KDM2B: variants seen among roughly 807,000 people sequenced by gnomAD.
The protein encoded by KDM2B is lysine demethylase 2B.
KDM2B carries 26 observed loss-of-function variants against 150.0 expected under a neutral mutation model. The ratio of observed to expected loss-of-function variants is 0.17; its 90% CI spans 0.13 to 0.24. KDM2B has a LOEUF of 0.24. Among genes scored for constraint, KDM2B ranks in the 10% least tolerant of loss-of-function variants. The probability of loss-of-function intolerance (pLI) is 1.00; values close to 1 mark genes in which losing one functional copy is unlikely to be tolerated. For synonymous variants in KDM2B, 734 were observed against 729.5 expected, an observed-to-expected ratio of 1.01 and a Z score of -0.10; for missense variants, 1,265 against 1,816.9, an observed-to-expected ratio of 0.70 and a Z score of 5.52.
rs191593495 is a variant in KDM2B, at chr12:121,494,497, C to T, written c.1734+82G>A. The T allele has an allele frequency of 1.5e-3, 1,565 of 1,041,296 alleles. 26 individuals are homozygous for T. The South Asian group carries it at 0.018, about 12-fold the overall frequency. 64.5% of individuals were successfully genotyped at this position (1,041,296 alleles called of 1,614,324 possible). A position where few individuals can be genotyped will look rare whatever the true frequency, so the allele number is the denominator to read the frequency against. On this transcript the variant is annotated intron_variant, in intron 12 of 22. Transcript: ENST00000377071. ...CATCTCAGGAGGCCCCATAGCTACC[C>T]AAAAAGTCGCGGCTGTTCACCCTAC...
Position 121,509,766 on chromosome 12 carries a change from G to T in KDM2B, c.1448C>A (p.Ser483Tyr). The T allele has an allele frequency of 6.2e-7, 1 of 1,614,146 alleles. No homozygotes were observed. Among genetic ancestry groups the T allele is most frequent in the Non-Finnish European group, 8.5e-7 (1 of 1,180,036 alleles). Residue 483 changes from serine (S) to tyrosine (Y), a missense_variant, in exon 11 of 23, where the codon TCC (serine) becomes TAC (tyrosine). Physicochemically the swap from Ser to Tyr is moderately radical, Grantham distance 144. Around this residue, in one of 11 missense-constraint regions of KDM2B, gnomAD observed 154 missense variants for 162.5 expected, o/e 0.95. Coordinates refer to ENST00000377071, the MANE Select transcript of KDM2B (RefSeq NM_032590.5). ...GGGGTAGTCTACGGCCAATGTGGTG[G>T]ACTTCACACTTTCCTCCGACTCATT... ...LSNESEESVK[S>Y]TTLAVDYPKT...
chr12:121,527,190 T>C (rs2141346218), intron 8 of KDM2B, among the ~76,000 whole-genome samples: 1 of 148,870 alleles, frequency 6.7e-6, no homozygotes, highest in East Asian at 2.1e-4. Flanking sequence ...TGGTACTACA[T>C]AGGCACCCGC....
In KDM2B at chr12:121,520,245, G is replaced by A. The variant is rs782163593; in HGVS notation, c.1047+740C>T. On this transcript the variant is annotated intron_variant, in intron 9 of 22. Coordinates refer to ENST00000377071, the MANE Select transcript of KDM2B (RefSeq NM_032590.5). The surrounding 1 kb of genome is among the most constrained non-coding windows in gnomAD (Gnocchi z 4.5). ...ACCTGTCTTATGTGCCTAGGGACAC[G>A]TGATCAAGTCCTAGCACGAGAAAGG... is the stretch of plus-strand genomic sequence containing the variant. Among the ~76,000 whole-genome samples, 16 of 152,118 alleles carry A rather than the reference G, an allele frequency of 1.1e-4. No homozygotes were observed. Among genetic ancestry groups the A allele is most frequent in the Non-Finnish European group, 1.6e-4 (11 of 68,028 alleles).
intron 22 of KDM2B, among the ~76,000 whole-genome samples, chr12:121,438,455 TA>T (rs1555287321): frequency 6.6e-6 from 1 of 152,126 alleles, no homozygotes; most frequent in Admixed American, 6.6e-5. Context: ...TGAAGAGATG[TA>T]ATAAAATGCC....
At chr12:121,445,553 G>A (rs1019499705) in intron 13 of KDM2B, 135 bp from the exon 14 acceptor site, 10 of 763,770 alleles carry the variant, frequency 1.3e-5, no homozygotes, top group Middle Eastern at 3.7e-4. Flanking sequence ...AGGCACATTC[G>A]CTCACTCATT....
chr12:121,446,473 G>C (rs1333290121), intron 13 of KDM2B, among the ~76,000 whole-genome samples: 2 of 152,206 alleles, frequency 1.3e-5, no homozygotes, highest in African/African-American at 4.8e-5. Flanking sequence ...CCTTACCCTA[G>C]AGTACACATC....
At chr12:121,484,556 G>A (rs747980422) in intron 12 of KDM2B, among the ~76,000 whole-genome samples, 1 of 152,140 alleles carries the variant, frequency 6.6e-6, no homozygotes, top group African/African-American at 2.4e-5. Context: ...GGTGGCTCAC[G>A]CCTGTAGTCC....
At chr12:121,579,015 C>T (rs1284655471) in intron 1 of KDM2B, 69 bp from the exon 2 acceptor site, 2 of 1,531,936 alleles carry the variant, frequency 1.3e-6, no homozygotes, top group Non-Finnish European at 1.8e-6. Context: ...TCAACCTGGG[C>T]CCAGCACTAA....
intron 6 of KDM2B, among the ~76,000 whole-genome samples, chr12:121,547,056 G>C (rs1336698893): frequency 6.6e-6 from 1 of 152,090 alleles, no homozygotes; most frequent in Non-Finnish European, 1.5e-5. Flanking sequence ...GTCCCCTGAT[G>C]ACACCAGCCA....
intron 13 of KDM2B, among the ~76,000 whole-genome samples, chr12:121,451,959 G>A (rs1451373639): frequency 6.6e-6 from 1 of 151,766 alleles, no homozygotes; most frequent in Non-Finnish European, 1.5e-5. Flanking sequence ...AGTATTAATC[G>A]GCCATAAAAA....
intron 9 of KDM2B, chr12:121,516,985 G>C: frequency 1.7e-6 from 1 of 605,272 alleles, no homozygotes; most frequent in Non-Finnish European, 2.9e-6. Flanking sequence ...AGGGAATGGG[G>C]CATGTCGGCA....
intron 9 of KDM2B, among the ~76,000 whole-genome samples, chr12:121,517,499 C>T (rs1886317930): frequency 6.7e-6 from 1 of 150,238 alleles, no homozygotes; most frequent in African/African-American, 2.4e-5. Context: ...GATGGAGTCT[C>T]GCTCTGTCGC....
At chr12:121,443,349 G>C (rs1009738537) in intron 17 of KDM2B, 2 of 576,386 alleles carry the variant, frequency 3.5e-6, no homozygotes, top group Non-Finnish European at 6.2e-6. Flanking sequence ...AGCCCTGTGG[G>C]AATCCCCGGC....
chr12:121,443,225 A>G (rs1329683979), intron 17 of KDM2B, 195 bp from the exon 18 acceptor site: 1 of 620,430 alleles, frequency 1.6e-6, no homozygotes, highest in African/African-American at 1.8e-5. Context: ...AGAAGCTGGA[A>G]GTAGGAGTAC....
At chr12:121,544,114 CAAAAAAAAA>C (rs57873693) in intron 6 of KDM2B, among the ~76,000 whole-genome samples, 1 of 42,928 alleles carries the variant, frequency 2.3e-5, no homozygotes, top group Non-Finnish European at 4.8e-5. Flanking sequence ...GACCCTGCCT[CAAAAAAAAA>C]AAAAAAAAAA....
Position 121,520,860 on chromosome 12 carries a change from T to C in KDM2B, c.1047+125A>G. On this transcript the variant is annotated intron_variant, in intron 9 of 22. Coordinates refer to ENST00000377071, the MANE Select transcript of KDM2B (RefSeq NM_032590.5). The surrounding 1 kb of genome is among the most constrained non-coding windows in gnomAD (Gnocchi z 4.5). ...CACAGAACCAGGACTGAAGCCAGCTTGAGAGAGGAATCGGGAGGGAGAGGG... is the reference window on the plus strand; with the variant it reads ...CACAGAACCAGGACTGAAGCCAGCTCGAGAGAGGAATCGGGAGGGAGAGGG... 2.1e-6 allele frequency: 1 copy of C among 481,496 alleles called. No individual in the cohort carries two copies. The highest frequency in any genetic ancestry group is 3.8e-6 in the Non-Finnish European group (1 of 261,386). The allele number at this position is 481,496 out of a possible 1,614,324, so 29.8% of individuals were successfully genotyped here. A position where few individuals can be genotyped will look rare whatever the true frequency, so the allele number is the denominator to read the frequency against.
At chr12:121,423,785 G>A in the KDM2B span, 4 of 524,534 alleles carry the variant, frequency 7.6e-6, no homozygotes, top group South Asian at 4.9e-5. The surrounding 1 kb of genome is among the most constrained non-coding windows in gnomAD (Gnocchi z 4.3). Context: ...TGAGCTTCCC[G>A]GGCTCAGCTG....
chr12:121,441,149 C>T lies in KDM2B; in HGVS notation c.3369G>A (p.Arg1123=), dbSNP rs374979569. 6.2e-7 allele frequency: 1 copy of T among 1,614,072 alleles called. No homozygotes were observed. Among genetic ancestry groups the T allele is most frequent in the African/African-American group, 1.3e-5 (1 of 74,928 alleles). Residue 1123 remains arginine (R), a synonymous_variant, in exon 20 of 23, where the codon CGG becomes CGA. Coordinates refer to ENST00000377071, the MANE Select transcript of KDM2B (RefSeq NM_032590.5). ...ITPLMLSGII[R]RQPVSLDLSW... Reference sequence around the variant, plus strand: ...TGAGGTCGAGGGAGACGGGCTGTCGCCGGATGATGCCACTCAGCATCAGGG... The same window carrying T: ...TGAGGTCGAGGGAGACGGGCTGTCGTCGGATGATGCCACTCAGCATCAGGG...
At chr12:121,423,518 G>GT in the KDM2B span, 1 of 1,614,248 alleles carries the variant, frequency 6.2e-7, no homozygotes, top group Non-Finnish European at 8.5e-7. This position sits in a 1 kb window ranked among gnomAD's most constrained non-coding sequence, Gnocchi z 4.3. Flanking sequence ...AAGCGCATGA[G>GT]TGAGTGTCCC....
Sources: gnomAD v4.1 joint callset for allele counts (sites outside exome capture counted in the v4.1 genomes callset) on GRCh38, gnomAD v4.1.1 for gene constraint, gnomAD v4.1.1 regional missense constraint, Gnocchi (gnomAD v3.1) non-coding constraint, MANE v1.5 for transcripts, NCBI Gene and HGNC (gene_info 2026-07-23, HGNC 2026-07-21) for gene names.